The following USP25 variants were observed in gnomAD, a reference collection of about 807,000 sequenced individuals.
USP25 encodes ubiquitin specific peptidase 25.
In USP25, 85 loss-of-function variants were observed where a neutral mutation model predicts 158.5. That is an observed-to-expected ratio of 0.54 (90% confidence interval 0.45 to 0.64). The LOEUF (loss-of-function observed/expected upper bound fraction) is 0.64, where lower values mean the gene tolerates loss of function less well. USP25 is among the 30% of genes least tolerant of loss of function. The pLI is 0.00. For missense variants in USP25, 1,242 were observed against 1,327.3 expected, an observed-to-expected ratio of 0.94 and a Z score of 1.00; for synonymous variants, 464 against 460.4, an observed-to-expected ratio of 1.01 and a Z score of -0.10.
At chr21:15,822,349 T>C (rs1195440310) in intron 10 of USP25, among the ~76,000 whole-genome samples, 3 of 151,938 alleles carry the variant, frequency 2.0e-5, no homozygotes, top group African/African-American at 4.8e-5. Flanking sequence ...CCATCGCTGA[T>C]AGAGGAAAAT....
At chr21:15,831,800 C>T (rs181485896) in intron 16 of USP25, among the ~76,000 whole-genome samples, 171 bp downstream of exon 16, 2 of 152,250 alleles carry the variant, frequency 1.3e-5, no homozygotes, top group African/African-American at 4.8e-5. Context: ...GCTAAGAATT[C>T]GTATATATTT....
intron 4 of USP25, among the ~76,000 whole-genome samples, chr21:15,784,936 T>A (rs1401564732): frequency 6.7e-6 from 1 of 149,538 alleles, no homozygotes. Flanking sequence ...TGGATTAAAT[T>A]CCCCAATTAA....
chr21:15,832,984 C>G (rs1382365587), intron 16 of USP25, among the ~76,000 whole-genome samples: 1 of 152,018 alleles, frequency 6.6e-6, no homozygotes, highest in African/African-American at 2.4e-5. Flanking sequence ...TGTCACTGCA[C>G]TCCAGCCTGA....
At chr21:15,848,227 C>G (rs2038719833) in intron 19 of USP25, among the ~76,000 whole-genome samples, 1 of 152,154 alleles carries the variant, frequency 6.6e-6, no homozygotes, top group African/African-American at 2.4e-5. Flanking sequence ...GCTTCTACAG[C>G]CTCTCCATGT....
chr21:15,855,568 A>G (rs1184795565), intron 20 of USP25, among the ~76,000 whole-genome samples: 1 of 152,238 alleles, frequency 6.6e-6, no homozygotes, highest in Non-Finnish European at 1.5e-5. Context: ...ATCTTGTTAA[A>G]TTCAAGACAG....
chr21:15,819,870 T>C (rs2037142924), intron 10 of USP25, among the ~76,000 whole-genome samples: 1 of 151,984 alleles, frequency 6.6e-6, no homozygotes, highest in Admixed American at 6.6e-5. Flanking sequence ...CCCCCCCACA[T>C]ACATAAACAA....
intron 14 of USP25, among the ~76,000 whole-genome samples, chr21:15,829,468 CT>C (rs2146380022): frequency 6.6e-6 from 1 of 152,274 alleles, no homozygotes; most frequent in South Asian, 2.1e-4. Context: ...GAGAGCCTGT[CT>C]CCCAGTATCC....
chr21:15,806,523 C>CATGT (rs1401501272), intron 7 of USP25, among the ~76,000 whole-genome samples: 1 of 151,578 alleles, frequency 6.6e-6, no homozygotes, highest in East Asian at 1.9e-4. Flanking sequence ...TGTCTGGAGC[C>CATGT]ATGTATGTAC....
At chr21:15,779,941 T>C (rs1717052971) in intron 4 of USP25, among the ~76,000 whole-genome samples, 3 of 152,142 alleles carry the variant, frequency 2.0e-5, no homozygotes, top group African/African-American at 2.4e-5. Context: ...AATAAACTTA[T>C]ATGTAAATCA....
Position 15,800,337 on chromosome 21 carries a change from T to A in USP25, c.642+494T>A, listed in dbSNP as rs939925761. On this transcript the variant is annotated intron_variant, in intron 6 of 25. Transcript: ENST00000400183. ...ACACACCAGGGCCAGATTGCGTGGG[T>A]TCTAGCTAGGGACCTAGAGCTGGTT... 5.3e-5 allele frequency among the ~76,000 whole-genome samples: 8 copies of A among 151,380 alleles called. No individual in the cohort carries two copies. In the South Asian group the frequency reaches 1.7e-3, roughly 31 times the overall value.
At chr21:15,856,115 G>C (rs1006220455) in intron 20 of USP25, among the ~76,000 whole-genome samples, 1 of 152,138 alleles carries the variant, frequency 6.6e-6, no homozygotes, top group African/African-American at 2.4e-5. Flanking sequence ...GATGTAGCTG[G>C]GATAATGATG....
At chr21:15,730,974 C>CTTTTT (rs1420306163) in intron 1 of USP25, among the ~76,000 whole-genome samples, 47 of 60,298 alleles carry the variant, frequency 7.8e-4, no homozygotes, top group African/African-American at 1.5e-3. Context: ...TTCTTCTTTT[C>CTTTTT]TGTTTTTTTT....
At chr21:15,790,416 G>A (rs551607636) in intron 4 of USP25, among the ~76,000 whole-genome samples, 16 of 151,966 alleles carry the variant, frequency 1.1e-4, no homozygotes, top group African/African-American at 3.9e-4. Context: ...AGATTTCCTT[G>A]TATCTAATGT....
At chr21:15,746,636 T>C (rs2032583596) in intron 1 of USP25, among the ~76,000 whole-genome samples, 1 of 152,106 alleles carries the variant, frequency 6.6e-6, no homozygotes, top group South Asian at 2.1e-4. Flanking sequence ...GACAGCATGA[T>C]CCACCAGCCT....
intron 3 of USP25, among the ~76,000 whole-genome samples, chr21:15,776,360 C>T (rs1380189665): frequency 1.3e-5 from 2 of 152,012 alleles, no homozygotes; most frequent in African/African-American, 4.8e-5. Flanking sequence ...CCACCACTTC[C>T]TTCCATGATC....
chr21:15,855,563 G>A (rs1249996664), intron 20 of USP25, among the ~76,000 whole-genome samples: 1 of 152,186 alleles, frequency 6.6e-6, no homozygotes, highest in Admixed American at 6.5e-5. Flanking sequence ...CATGCATCTT[G>A]TTAAATTCAA....
intron 2 of USP25, among the ~76,000 whole-genome samples, chr21:15,764,927 A>C (rs1301988271): frequency 3.3e-5 from 5 of 152,012 alleles, no homozygotes; most frequent in African/African-American, 1.2e-4. Context: ...TCAGTCCTTA[A>C]ATTTTGGAAT....
intron 20 of USP25, among the ~76,000 whole-genome samples, chr21:15,853,258 A>C (rs974084307): frequency 1.3e-5 from 2 of 152,092 alleles, no homozygotes; most frequent in African/African-American, 4.8e-5. Flanking sequence ...CATTATCTTT[A>C]CTAGCTGTCT....
Position 15,870,069 on chromosome 21 carries a change from A to C in USP25, c.2807A>C (p.Glu936Ala). ...PEEVNLEEYE[E>A]WHQDYRKFRE... ...TTTAATATTTTCTTTCACCTACAGG[A>C]GTGGCATCAGGATTATAGGAAATTC... The change falls in exon 23 of 26, where the codon GAG becomes GCG. Residue 936 changes from glutamate (E) to alanine (A), a missense_variant and splice_region_variant. Physicochemically the swap from Glu to Ala is moderately radical, Grantham distance 107. Transcript: ENST00000400183. The C allele has an allele frequency of 6.2e-7, 1 of 1,602,334 alleles. No individual in the cohort carries two copies. The highest frequency in any genetic ancestry group is 8.5e-7 in the Non-Finnish European group (1 of 1,173,984).
Sources: allele counts gnomAD v4.1 joint callset (sites outside exome capture counted in the v4.1 genomes callset), GRCh38; gene constraint gnomAD v4.1.1; transcripts MANE v1.5; gene names NCBI Gene and HGNC (gene_info 2026-07-23, HGNC 2026-07-21).